Variants in LCN10 observed in about 807,000 individuals in gnomAD.
The protein encoded by LCN10 is lipocalin 10.
LCN10 carries 18 observed loss-of-function variants against 25.1 expected under a neutral mutation model. The ratio of observed to expected loss-of-function variants is 0.72; its 90% CI spans 0.50 to 1.06. The LOEUF is 1.06. Among genes scored for constraint, LCN10 ranks in the 50% least tolerant of loss-of-function variants. The pLI, the probability that LCN10 is intolerant of heterozygous loss-of-function variation, is 0.00. For synonymous variants in LCN10, 130 were observed against 116.7 expected (o/e 1.11, Z -0.73); for missense variants, 257 against 258.9 (o/e 0.99, Z 0.05).
In LCN10 at chr9:136,741,933, C is replaced by G; in HGVS notation, c.205G>C (p.Val69Leu). The change falls in exon 2 of 6, where the codon GTG becomes CTG. Residue 69 changes from valine (V) to leucine (L), a missense_variant. Coordinates refer to ENST00000497771, the MANE Select transcript of LCN10 (RefSeq NM_001001712.3). ...TGGCCCACTTTGTTCACCTTTACCA[C>G]GGACGCCCCCAGCTTCCTCTTGTCC... ...ARDKRKLGASVVKVNKVGQLR... is the reference protein window; with the variant it reads ...ARDKRKLGASLVKVNKVGQLR... The G allele has an allele frequency of 6.2e-7, 1 of 1,611,024 alleles. No homozygotes were observed. Among genetic ancestry groups the G allele is most frequent in the South Asian group, 1.1e-5 (1 of 90,262 alleles).
chr9:136,742,012 C>T lies in LCN10; in HGVS notation c.126G>A (p.Gly42=). The T allele has an allele frequency of 1.9e-6, 3 of 1,612,870 alleles. No individual in the cohort carries two copies. The highest frequency in any genetic ancestry group is 2.5e-6 in the Non-Finnish European group (3 of 1,179,736). The part of the protein sequence containing the change: ...SHALNWNKFS[G]FWYILATATD... ...TGGCAGTGGCCAGAATGTACCAGAA[C>T]CCTGAAAACTGCGCAGCGGATGTGT... is the stretch of plus-strand genomic sequence containing the variant. The change falls in exon 2 of 6, where the codon GGG becomes GGA. Residue 42 remains glycine (G), a synonymous_variant. Transcript: ENST00000497771.
Position 136,740,815 on chromosome 9 carries a change from C to G in LCN10, c.475+21G>C. The G allele has an allele frequency of 6.3e-7, 1 of 1,595,256 alleles. No homozygotes were observed. Among genetic ancestry groups the G allele is most frequent in the Non-Finnish European group, 8.6e-7 (1 of 1,168,416 alleles). On this transcript the variant is annotated intron_variant, in intron 4 of 5. Coordinates refer to ENST00000497771, the MANE Select transcript of LCN10 (RefSeq NM_001001712.3). The surrounding 1 kb of genome is among the most constrained non-coding windows in gnomAD (Gnocchi z 5.3). ...TCTGCACCCCCTCCACCATCCTCTG[C>G]CATCCGCTGTGCCTGCTCACGGAAG...
intron 1 of LCN10, 84 bp downstream of exon 1, chr9:136,742,703 G>T: frequency 6.7e-7 from 1 of 1,503,712 alleles, no homozygotes; most frequent in South Asian, 1.3e-5. Context: ...CCCTGCTCCT[G>T]GGCGGCTGCC....
chr9:136,740,756 G>A lies in LCN10; in HGVS notation c.475+80C>T, dbSNP rs1271559441. 18 of 645,884 alleles carry A rather than the reference G, an allele frequency of 2.8e-5. No homozygotes were observed. The highest frequency in any genetic ancestry group is 3.6e-4 in the Middle Eastern group (1 of 2,788). The allele number at this position is 645,884 out of a possible 1,614,324, so 40.0% of individuals were successfully genotyped here. A position where few individuals can be genotyped will look rare whatever the true frequency, so the allele number is the denominator to read the frequency against. ...TCCCTGCCCGCCTCACCTCCTGCCC[G>A]GCCCCCTGTGCCCAGCGCCCCTCTA... On this transcript the variant is annotated intron_variant, in intron 4 of 5. Coordinates refer to ENST00000497771, the MANE Select transcript of LCN10 (RefSeq NM_001001712.3). The surrounding 1 kb of genome is among the most constrained non-coding windows in gnomAD (Gnocchi z 5.3).
At chr9:136,742,512 C>G in intron 1 of LCN10, 1 of 538,538 alleles carries the variant, frequency 1.9e-6, no homozygotes, top group Non-Finnish European at 3.3e-6. Flanking sequence ...CTCTGGGCGT[C>G]TCCCGACCTC....
chr9:136,739,777 A>G lies in LCN10; in HGVS notation c.574+173T>C, dbSNP rs906728270. ...TCTCGCTGTCGGTGCCAGGCCTGCC[A>G]GGCCAAGCCCCGATTCTCAGGGGCG... On this transcript the variant is annotated intron_variant, in intron 5 of 5. Transcript: ENST00000497771. The surrounding 1 kb of genome is among the most constrained non-coding windows in gnomAD (Gnocchi z 6.1). The G allele has an allele frequency of 1.0e-5, 8 of 762,720 alleles. No homozygotes were observed. Among genetic ancestry groups the G allele is most frequent in the Non-Finnish European group, 1.8e-5 (8 of 448,486 alleles). The allele number at this position is 762,720 out of a possible 1,614,324, so 47.2% of individuals were successfully genotyped here.
At position 136,741,902 on chromosome 9, in the gene LCN10, C is replaced by G. The variant is rs751239772; in HGVS notation, c.236G>C (p.Arg79Pro). 1.2e-6 allele frequency: 2 copies of G among 1,607,870 alleles called. No individual in the cohort carries two copies. Among genetic ancestry groups the G allele is most frequent in the Non-Finnish European group, 1.7e-6 (2 of 1,177,702 alleles). ...VVKVNKVGQLRVLLAFRRLKG... is the reference protein window; with the variant it reads ...VVKVNKVGQLPVLLAFRRLKG... Reference sequence around the variant, plus strand: ...TCACCGTCTGAAGGCGAGGAGCACGCGGAGCTGGCCCACTTTGTTCACCTT... The same window carrying G: ...TCACCGTCTGAAGGCGAGGAGCACGGGGAGCTGGCCCACTTTGTTCACCTT... Residue 79 changes from arginine (R) to proline (P), a missense_variant, in exon 2 of 6, where the codon CGC (arginine) becomes CCC (proline). By Grantham distance (103) the Arg-to-Pro change is moderately radical. Coordinates refer to ENST00000497771, the MANE Select transcript of LCN10 (RefSeq NM_001001712.3).
At chr9:136,742,129 G>A (rs1417410762) in intron 1 of LCN10, 109 bp from the exon 2 acceptor site, 11 of 1,401,234 alleles carry the variant, frequency 7.9e-6, no homozygotes, top group Admixed American at 2.1e-5. Context: ...TCTGTGAGCC[G>A]GAGTCCCAGC....
intron 2 of LCN10, 21 bp downstream of exon 2, chr9:136,741,860 T>TG (rs1846943069): frequency 1.1e-5 from 17 of 1,590,568 alleles, no homozygotes; most frequent in Admixed American, 1.8e-5. Context: ...GACCCTTGCC[T>TG]GGGGGGCGCT....
rs1275500188 is a variant in LCN10, at chr9:136,740,114, C to T, written c.476-66G>A. The T allele has an allele frequency of 9.5e-7, 1 of 1,049,152 alleles. No individual in the cohort carries two copies. The allele number at this position is 1,049,152 out of a possible 1,614,324, so 65.0% of individuals were successfully genotyped here. On this transcript the variant is annotated intron_variant, in intron 4 of 5. Transcript: ENST00000497771. This position sits in a 1 kb window ranked among gnomAD's most constrained non-coding sequence, Gnocchi z 5.3. ...GGCCATTTTAGGGTCTGCACCCTGA[C>T]CCCCATCCCTACCCCAGGAGCTGCT... is the stretch of plus-strand genomic sequence containing the variant.
Position 136,740,014 on chromosome 9 carries a change from C to T in LCN10, c.510G>A (p.Lys170=). 1 of 1,586,928 alleles carries T rather than the reference C, an allele frequency of 6.3e-7. No homozygotes were observed. The highest frequency in any genetic ancestry group is 8.6e-7 in the Non-Finnish European group (1 of 1,166,340). ...GAATGTCACAAGCGTCCATGAATTCCTTCAGACTCTGGAAGCTCGAAACAT... is the reference window on the plus strand; with the variant it reads ...GAATGTCACAAGCGTCCATGAATTCTTTCAGACTCTGGAAGCTCGAAACAT... ...RQNVSSFQSL[K]EFMDACDILG... Residue 170 remains lysine (K), a synonymous_variant, in exon 5 of 6, where the codon AAG becomes AAA. Transcript: ENST00000497771. The surrounding 1 kb of genome is among the most constrained non-coding windows in gnomAD (Gnocchi z 5.3).
At position 136,742,016 on chromosome 9, in the gene LCN10, G is replaced by A. The variant is rs115859942; in HGVS notation, c.122C>T (p.Ser41Leu). 3.8e-4 allele frequency: 618 copies of A among 1,612,794 alleles called. 6 individuals carry two copies. In the African/African-American group the frequency reaches 7.2e-3, roughly 19 times the overall value. ...AGTGGCCAGAATGTACCAGAACCCTGAAAACTGCGCAGCGGATGTGTGGGC... is the reference window on the plus strand; with the variant it reads ...AGTGGCCAGAATGTACCAGAACCCTAAAAACTGCGCAGCGGATGTGTGGGC... ...ESHALNWNKF[S>L]GFWYILATAT... The change falls in exon 2 of 6, where the codon TCA (serine) becomes TTA (leucine). Residue 41 changes from serine to leucine, a missense_variant. Ser to Leu is a moderately radical substitution (Grantham distance 145). Coordinates refer to ENST00000497771, the MANE Select transcript of LCN10 (RefSeq NM_001001712.3).
intron 1 of LCN10, chr9:136,742,354 C>A (rs1275869949): frequency 7.3e-6 from 3 of 409,748 alleles, no homozygotes; most frequent in African/African-American, 2.0e-5. Flanking sequence ...CCCTTCCTGC[C>A]GGCCCCCGGC....
intron 1 of LCN10, 45 bp from the exon 2 acceptor site, chr9:136,742,065 G>T: frequency 6.2e-7 from 1 of 1,606,674 alleles, no homozygotes; most frequent in Non-Finnish European, 8.5e-7. Flanking sequence ...GCCACCGGGG[G>T]CTGTCCCCAC....
Position 136,742,818 on chromosome 9 carries a change from G to T in LCN10, c.86C>A (p.Pro29His). The change falls in exon 1 of 6, where the codon CCC becomes CAC. Residue 29 changes from proline to histidine, a missense_variant. Coordinates refer to ENST00000497771, the MANE Select transcript of LCN10 (RefSeq NM_001001712.3). ...CCAGTTGAGGGCGTGGGACTCCCTG[G>T]GGTACCACTCCTGCACCTGGGACCC... is the stretch of plus-strand genomic sequence containing the variant. ...AAGSQVQEWY[P>H]RESHALNWNK... is the part of the protein sequence containing the mutation. The T allele has an allele frequency of 6.2e-7, 1 of 1,613,510 alleles. No individual in the cohort carries two copies. The highest frequency in any genetic ancestry group is 8.5e-7 in the Non-Finnish European group (1 of 1,179,796).
Position 136,740,713 on chromosome 9 carries a change from C to G in LCN10, c.475+123G>C. On this transcript the variant is annotated intron_variant, in intron 4 of 5. Transcript: ENST00000497771. The surrounding 1 kb of genome is among the most constrained non-coding windows in gnomAD (Gnocchi z 5.3). ...GCTTCCATTGCCCCTGCCCTGACCA[C>G]CGCCCCAACCCCCACTCTCCCTGCC... The G allele has an allele frequency of 1.4e-6, 1 of 710,732 alleles. No individual in the cohort carries two copies. 44.0% of individuals were successfully genotyped at this position (710,732 alleles called of 1,614,324 possible).
rs766447912 is a variant in LCN10, at chr9:136,742,882, G to C, written c.22C>G (p.Leu8Val). 6.2e-7 allele frequency: 1 copy of C among 1,613,452 alleles called. No individual in the cohort carries two copies. The highest frequency in any genetic ancestry group is 1.1e-5 in the South Asian group (1 of 91,080). The change falls in exon 1 of 6, where the codon CTG (leucine) becomes GTG (valine). Residue 8 changes from leucine to valine, a missense_variant. Leu to Val is a conservative substitution (Grantham distance 32). Transcript: ENST00000497771. ...AGCACCAGCACCAGCACCAGCGCCAGCACCAGCAGCCCCTGCCTCATCTTC... is the reference window on the plus strand; with the variant it reads ...AGCACCAGCACCAGCACCAGCGCCACCACCAGCAGCCCCTGCCTCATCTTC... The part of the protein sequence containing the change: MRQGLLV[L>V]ALVLVLVLVL...
chr9:136,742,148 G>A, intron 1 of LCN10, 128 bp from the exon 2 acceptor site: 2 of 1,227,028 alleles, frequency 1.6e-6, no homozygotes, highest in East Asian at 2.6e-5. Context: ...GCTCCGCCCA[G>A]GTGCCGCCTC....
intron 3 of LCN10, 153 bp from the exon 4 acceptor site, chr9:136,741,096 G>T (rs1336043162): frequency 4.1e-6 from 4 of 983,576 alleles, no homozygotes; most frequent in Non-Finnish European, 6.1e-6. Flanking sequence ...TCCCCTCCCG[G>T]GCCAGGCCGC....
Sources: allele counts gnomAD v4.1 joint callset, GRCh38; gene constraint gnomAD v4.1.1; non-coding constraint Gnocchi (gnomAD v3.1); transcripts MANE v1.5; gene names NCBI Gene and HGNC (gene_info 2026-07-23, HGNC 2026-07-21).